GAS2: variants seen among roughly 807,000 people sequenced by gnomAD.
GAS2 encodes the protein growth arrest specific 2.
GAS2 carries 20 observed loss-of-function variants against 37.5 expected under a neutral mutation model. The ratio of observed to expected loss-of-function variants is 0.53; its 90% CI spans 0.37 to 0.77. The LOEUF (loss-of-function observed/expected upper bound fraction) is 0.77. GAS2 is among the 30% of genes least tolerant of loss of function. The probability of loss-of-function intolerance (pLI) is 0.00; values close to 1 mark genes in which losing one functional copy is unlikely to be tolerated. For synonymous variants in GAS2, 144 were observed against 132.2 expected (o/e 1.09, Z -0.61); for missense variants, 336 against 373.4 (o/e 0.90, Z 0.82).
upstream of GAS2, among the ~76,000 whole-genome samples, chr11:22,664,319 A>G (rs934741498): frequency 4.2e-5 from 2 of 47,112 alleles, no homozygotes; most frequent in Non-Finnish European, 1.0e-4. Flanking sequence ...AGAGTTATCT[A>G]CATAGGAGGG....
At chr11:22,764,585 A>G (rs1854583329) in intron 7 of GAS2, among the ~76,000 whole-genome samples, 1 of 24,388 alleles carries the variant, frequency 4.1e-5, no homozygotes. Flanking sequence ...AAAAAAGAAC[A>G]AAAAAGCAAG....
Position 22,811,920 on chromosome 11 carries a change from C to T in GAS2, c.846C>T (p.Ser282=). ...TCTCCCGTGTGGATGGCAAAACATC[C>T]CCTATCCAAAGCAAATCTCCAACTC... ...LQISRVDGKT[S]PIQSKSPTLK... is the part of the protein sequence containing the mutation. The change falls in exon 8 of 8, where the codon TCC becomes TCT. Residue 282 remains serine (S), a synonymous_variant. Transcript: ENST00000454584. The T allele has an allele frequency of 6.2e-7, 1 of 1,614,046 alleles. No individual in the cohort carries two copies. The highest frequency in any genetic ancestry group is 1.1e-5 in the South Asian group (1 of 91,082).
chr11:22,811,793 T>C lies in GAS2; in HGVS notation c.724-5T>C. 1 of 1,613,716 alleles carries C rather than the reference T, an allele frequency of 6.2e-7. No individual in the cohort carries two copies. Among genetic ancestry groups the C allele is most frequent in the Non-Finnish European group, 8.5e-7 (1 of 1,179,682 alleles). On this transcript the variant is annotated splice_region_variant and splice_polypyrimidine_tract_variant and intron_variant, in intron 7 of 7. Transcript: ENST00000454584. ...TTTAACACTTTTGATATTTTTTCAT[T>C]TCAGATGCTGCACAACAAACATGTC...
At chr11:22,735,198 T>G (rs1291341151) in intron 4 of GAS2, among the ~76,000 whole-genome samples, 1 of 149,498 alleles carries the variant, frequency 6.7e-6, no homozygotes, top group Non-Finnish European at 1.5e-5. Flanking sequence ...TTTATCTTAG[T>G]CATTGCTTGC....
At chr11:22,700,013 GC>G (rs2134018207) in intron 3 of GAS2, among the ~76,000 whole-genome samples, 1 of 152,072 alleles carries the variant, frequency 6.6e-6, no homozygotes, top group South Asian at 2.1e-4. Context: ...GTGTAGAGAT[GC>G]CCTTGCAGTC....
rs116283722 is a variant in GAS2 at position 22,723,673 on chromosome 11, G to A, written c.268-2619G>A. Among the ~76,000 whole-genome samples, 932 of 151,938 alleles carry A rather than the reference G, an allele frequency of 6.1e-3. 9 individuals are homozygous for A. The highest frequency in any genetic ancestry group is 0.021 in the African/African-American group (884 of 41,518). ...GATTATAGTTTTTACATGCAAACTC[G>A]TATATTGATTTGAAGTGGTAGTTTT... is the stretch of plus-strand genomic sequence containing the variant. On this transcript the variant is annotated intron_variant, in intron 3 of 7. Coordinates refer to ENST00000454584, the MANE Select transcript of GAS2 (RefSeq NM_001143830.3).
chr11:22,647,567 C>A (rs1848716363), intron 1 of GAS2, among the ~76,000 whole-genome samples: 2 of 152,226 alleles, frequency 1.3e-5, no homozygotes, highest in Non-Finnish European at 2.9e-5. Flanking sequence ...TATTTCTCCG[C>A]ATCCTCTCCA....
At chr11:22,768,997 C>CT (rs1191953264) in intron 7 of GAS2, among the ~76,000 whole-genome samples, 6 of 152,282 alleles carry the variant, frequency 3.9e-5, no homozygotes, top group South Asian at 4.1e-4. Flanking sequence ...GTCCTGGACT[C>CT]TATTTTGATA....
At chr11:22,671,235 A>C (rs1251115656) in intron 1 of GAS2, among the ~76,000 whole-genome samples, 2 of 152,058 alleles carry the variant, frequency 1.3e-5, no homozygotes, top group Non-Finnish European at 2.9e-5. Context: ...ATACACACAC[A>C]GTCTTTGAAG....
At chr11:22,716,865 G>A (rs1355772723) in intron 3 of GAS2, among the ~76,000 whole-genome samples, 1 of 152,010 alleles carries the variant, frequency 6.6e-6, no homozygotes, top group African/African-American at 2.4e-5. Flanking sequence ...ACCAAGCTGA[G>A]AATCAAATCA....
intron 3 of GAS2, among the ~76,000 whole-genome samples, chr11:22,690,067 C>A (rs1052081875): frequency 1.3e-5 from 2 of 152,108 alleles, no homozygotes; most frequent in African/African-American, 4.8e-5. Context: ...AATCTTATCT[C>A]CTCATTTTCA....
chr11:22,716,442 C>T (rs941219174), intron 3 of GAS2, among the ~76,000 whole-genome samples: 9 of 152,020 alleles, frequency 5.9e-5, no homozygotes, highest in Non-Finnish European at 8.8e-5. Context: ...GAGTTTGAGA[C>T]CTGCCTGGCC....
chr11:22,679,406 AG>A (rs1317951242), intron 2 of GAS2, among the ~76,000 whole-genome samples: 6 of 152,138 alleles, frequency 3.9e-5, no homozygotes, highest in Non-Finnish European at 8.8e-5. Flanking sequence ...AGGGTATATT[AG>A]AACATGAAAT....
intron 3 of GAS2, among the ~76,000 whole-genome samples, chr11:22,692,955 C>T (rs1277208906): frequency 1.3e-5 from 2 of 152,148 alleles, no homozygotes; most frequent in East Asian, 1.9e-4. Context: ...TACCTGACCC[C>T]TACTACTAGA....
At chr11:22,756,750 T>C (rs1450375437) in intron 7 of GAS2, among the ~76,000 whole-genome samples, 6 of 152,158 alleles carry the variant, frequency 3.9e-5, no homozygotes, top group African/African-American at 1.4e-4. Context: ...TACTAATATA[T>C]TTCTTAAATT....
chr11:22,801,956 A>G (rs1856681040), intron 7 of GAS2, among the ~76,000 whole-genome samples: 1 of 152,114 alleles, frequency 6.6e-6, no homozygotes, highest in African/African-American at 2.4e-5. Context: ...GTCATGAAAC[A>G]AAATGCTCTT....
At chr11:22,712,363 C>T (rs899961603) in intron 3 of GAS2, among the ~76,000 whole-genome samples, 3 of 152,188 alleles carry the variant, frequency 2.0e-5, no homozygotes, top group African/African-American at 7.2e-5. Flanking sequence ...TGAAGATAGA[C>T]TGCATCACAG....
intron 3 of GAS2, chr11:22,702,071 C>T (rs1850870666): frequency 6.6e-6 from 1 of 152,120 alleles, no homozygotes; most frequent in Non-Finnish European, 1.5e-5. Context: ...AATACAGGAG[C>T]TACACATGCA....
At chr11:22,703,827 A>G (rs1357410264) in intron 3 of GAS2, among the ~76,000 whole-genome samples, 3 of 152,164 alleles carry the variant, frequency 2.0e-5, no homozygotes, top group Admixed American at 6.6e-5. Context: ...CATATCATGC[A>G]TGAAGCCTGA....
Sources: gnomAD v4.1 joint callset for allele counts (sites outside exome capture counted in the v4.1 genomes callset) on GRCh38, gnomAD v4.1.1 for gene constraint, MANE v1.5 for transcripts, NCBI Gene and HGNC (gene_info 2026-07-23, HGNC 2026-07-21) for gene names.